The following GRID1 variants were observed in gnomAD, a reference collection of about 807,000 sequenced individuals.
GRID1 encodes glutamate ionotropic receptor delta type subunit 1.
In GRID1, 28 loss-of-function variants were observed where a neutral mutation model predicts 98.0. The ratio of observed to expected loss-of-function variants is 0.29; its 90% CI spans 0.21 to 0.39. The LOEUF (loss-of-function observed/expected upper bound fraction) is 0.39, where lower values mean the gene tolerates loss of function less well. Ranked by LOEUF, GRID1 falls within the 10% of genes least tolerant of loss-of-function variation. GRID1 has a pLI of 1.00. For missense variants in GRID1, 1,111 were observed against 1,340.5 expected (o/e 0.83, Z 2.67); for synonymous variants, 553 against 538.5 (o/e 1.03, Z -0.37).
At chr10:85,702,816 AAAG>A (rs767545174) in intron 12 of GRID1, among the ~76,000 whole-genome samples, 7 of 151,900 alleles carry the variant, frequency 4.6e-5, no homozygotes, top group Middle Eastern at 3.4e-3. Flanking sequence ...AAGGGGAGGA[AAAG>A]AAGGAAGAAA....
intron 2 of GRID1, among the ~76,000 whole-genome samples, chr10:86,347,094 A>G (rs1238389341): frequency 7.2e-5 from 2 of 27,590 alleles, no homozygotes; most frequent in African/African-American, 2.9e-4. Context: ...CCACCCACCC[A>G]TGGACATACC....
chr10:86,221,451 C>T (rs189587411), intron 2 of GRID1, among the ~76,000 whole-genome samples: 1 of 152,306 alleles, frequency 6.6e-6, no homozygotes, highest in East Asian at 1.9e-4. Context: ...AGGCAGATCC[C>T]AGCACAGGCC....
chr10:86,346,410 G>A (rs1433249575), intron 2 of GRID1, among the ~76,000 whole-genome samples: 1 of 152,214 alleles, frequency 6.6e-6, no homozygotes, highest in Non-Finnish European at 1.5e-5. Context: ...CCAGGCCTGT[G>A]TTTGGAGGGC....
intron 4 of GRID1, among the ~76,000 whole-genome samples, chr10:85,974,853 G>T (rs753976247): frequency 4.6e-5 from 7 of 152,182 alleles, no homozygotes; most frequent in Non-Finnish European, 8.8e-5. Flanking sequence ...TCAAACTCCT[G>T]GCCCCAAGCC....
At chr10:85,943,434 T>A (rs1842019149) in intron 4 of GRID1, among the ~76,000 whole-genome samples, 1 of 152,178 alleles carries the variant, frequency 6.6e-6, no homozygotes, top group Admixed American at 6.5e-5. Context: ...TACCTCACCA[T>A]GGAACTAGGA....
intron 13 of GRID1, among the ~76,000 whole-genome samples, chr10:85,626,175 C>A (rs1056065597): frequency 1.9e-4 from 29 of 152,140 alleles, no homozygotes; most frequent in African/African-American, 6.8e-4. Context: ...CCTTTTTTAT[C>A]CATATAATAC....
At chr10:85,839,156 A>G (rs866512079) in intron 8 of GRID1, among the ~76,000 whole-genome samples, 7 of 152,174 alleles carry the variant, frequency 4.6e-5, no homozygotes, top group Admixed American at 2.6e-4. Flanking sequence ...AAGTTCTTAG[A>G]GACATTCAAA....
intron 3 of GRID1, among the ~76,000 whole-genome samples, chr10:86,202,478 T>G (rs984720026): frequency 2.6e-5 from 4 of 152,270 alleles, no homozygotes; most frequent in Admixed American, 1.3e-4. Context: ...GCATTTGAAG[T>G]GGCAAGTCAG....
chr10:85,714,813 A>G (rs903132047), intron 12 of GRID1, among the ~76,000 whole-genome samples: 1 of 152,100 alleles, frequency 6.6e-6, no homozygotes, highest in African/African-American at 2.4e-5. Context: ...ATATGTTAAT[A>G]CCACCCAAAG....
chr10:85,697,547 T>C (rs116976585), intron 12 of GRID1, among the ~76,000 whole-genome samples: 3 of 152,316 alleles, frequency 2.0e-5, no homozygotes, highest in East Asian at 3.9e-4. Flanking sequence ...ATTTTATAGT[T>C]ATTAATAATG....
At chr10:86,323,251 G>A (rs1211441145) in intron 2 of GRID1, among the ~76,000 whole-genome samples, 5 of 152,186 alleles carry the variant, frequency 3.3e-5, no homozygotes, top group Non-Finnish European at 5.9e-5. Context: ...GGGATGTGGG[G>A]CTTCTCTTCA....
chr10:85,902,270 T>G (rs937780147), intron 5 of GRID1, among the ~76,000 whole-genome samples: 1 of 152,148 alleles, frequency 6.6e-6, no homozygotes, highest in African/African-American at 2.4e-5. Flanking sequence ...GTGCATACAG[T>G]GTGGAGACCC....
intron 2 of GRID1, among the ~76,000 whole-genome samples, chr10:86,347,506 T>C (rs1190256100): frequency 6.6e-6 from 1 of 152,226 alleles, no homozygotes; most frequent in Non-Finnish European, 1.5e-5. Context: ...CTGGGACTCC[T>C]GTGAGACTCT....
chr10:86,106,885 C>T (rs1844396189), intron 4 of GRID1, among the ~76,000 whole-genome samples: 1 of 151,918 alleles, frequency 6.6e-6, no homozygotes, highest in Non-Finnish European at 1.5e-5. Context: ...TGAAGGAGCC[C>T]AGGGGTGAAG....
intron 4 of GRID1, among the ~76,000 whole-genome samples, chr10:86,002,466 C>T (rs761946584): frequency 1.3e-5 from 2 of 152,162 alleles, no homozygotes; most frequent in Non-Finnish European, 2.9e-5. Flanking sequence ...CACTCACAGA[C>T]GTAAAACTTA....
At chr10:85,909,583 T>C (rs1841508539) in intron 5 of GRID1, among the ~76,000 whole-genome samples, 1 of 152,218 alleles carries the variant, frequency 6.6e-6, no homozygotes, top group East Asian at 1.9e-4. Context: ...AGGAAAGAAC[T>C]ATTGCTACAC....
At chr10:85,822,941 A>T (rs1473420551) in intron 8 of GRID1, among the ~76,000 whole-genome samples, 1 of 152,228 alleles carries the variant, frequency 6.6e-6, no homozygotes, top group Non-Finnish European at 1.5e-5. Context: ...TGCAAGGACA[A>T]AAAACCAAAC....
intron 12 of GRID1, among the ~76,000 whole-genome samples, chr10:85,679,587 G>C (rs77173715): frequency 6.6e-6 from 1 of 152,114 alleles, no homozygotes; most frequent in Admixed American, 6.5e-5. Context: ...GAGGACTAGG[G>C]TTTTCCAGGC....
chr10:85,647,471 AAGGC>A, intron 12 of GRID1, 74 bp from the exon 13 acceptor site: 1 of 1,184,116 alleles, frequency 8.4e-7, no homozygotes, highest in Non-Finnish European at 1.2e-6. Context: ...AATGGGCTGC[AAGGC>A]CCTTCTGAAC....
Sources: gnomAD v4.1 joint callset for allele counts (sites outside exome capture counted in the v4.1 genomes callset) on GRCh38, gnomAD v4.1.1 for gene constraint, MANE v1.5 for transcripts, NCBI Gene and HGNC (gene_info 2026-07-23, HGNC 2026-07-21) for gene names.